PI4K2A: variants seen among roughly 807,000 people sequenced by gnomAD.
PI4K2A encodes phosphatidylinositol 4-kinase type 2 alpha, also known as phosphatidylinositol 4-kinase type 2-alpha.
A neutral mutation model predicts 55.0 loss-of-function variants in PI4K2A; 20 were observed. The observed-to-expected ratio is 0.36, with a 90% CI of 0.26 to 0.53. PI4K2A has a LOEUF of 0.53. Ranked by LOEUF, PI4K2A falls within the 20% of genes least tolerant of loss-of-function variation. The pLI, the probability that PI4K2A is intolerant of heterozygous loss-of-function variation, is 0.91. For synonymous variants in PI4K2A, 235 were observed against 258.5 expected (o/e 0.91, Z 0.87); for missense variants, 463 against 637.1 (o/e 0.73, Z 2.94).
exon 1 of PI4K2A, chr10:97,640,840 G>A: frequency 1.4e-6 from 2 of 1,403,306 alleles, no homozygotes; most frequent in Non-Finnish European, 1.9e-6. Context: ...CAGGTGCCCG[G>A]GGGCGCGGTC....
chr10:97,664,007 G>A (rs754095655), intron 5 of PI4K2A, among the ~76,000 whole-genome samples: 1 of 152,024 alleles, frequency 6.6e-6, no homozygotes, highest in Non-Finnish European at 1.5e-5. Context: ...TAGAGATGAG[G>A]TCTTGCTATG....
chr10:97,654,835 T>C (rs965417307), intron 2 of PI4K2A, among the ~76,000 whole-genome samples: 2 of 152,064 alleles, frequency 1.3e-5, no homozygotes, highest in Admixed American at 1.3e-4. Flanking sequence ...TGATGGCTCA[T>C]AAAAATTTTT....
chr10:97,662,602 C>A (rs939899012), intron 4 of PI4K2A, among the ~76,000 whole-genome samples: 9 of 152,172 alleles, frequency 5.9e-5, no homozygotes, highest in African/African-American at 2.2e-4. Flanking sequence ...TATAATTGTT[C>A]TACCTCTCAA....
intron 8 of PI4K2A, among the ~76,000 whole-genome samples, chr10:97,669,821 G>C (rs1050441843): frequency 1.3e-5 from 2 of 151,618 alleles, no homozygotes; most frequent in African/African-American, 2.4e-5. Flanking sequence ...ACAGTCAGGT[G>C]ATAGAAGTTG....
exon 7 of PI4K2A, chr10:97,666,562 A>G: frequency 6.2e-7 from 1 of 1,612,984 alleles, no homozygotes; most frequent in Non-Finnish European, 8.5e-7. Context: ...ACCTATATGA[A>G]CTCTTCAAGG....
At chr10:97,659,729 G>C (rs980525632) in intron 4 of PI4K2A, among the ~76,000 whole-genome samples, 1 of 151,968 alleles carries the variant, frequency 6.6e-6, no homozygotes, top group African/African-American at 2.4e-5. Context: ...GTGGGGGATG[G>C]GTAGCTGCTT....
chr10:97,659,341 G>C (rs2041569850), intron 4 of PI4K2A, among the ~76,000 whole-genome samples: 1 of 151,764 alleles, frequency 6.6e-6, no homozygotes. Context: ...GCTTGCAACT[G>C]ATTTTTTTGT....
intron 1 of PI4K2A, among the ~76,000 whole-genome samples, chr10:97,646,749 G>A (rs541564072): frequency 6.6e-6 from 1 of 152,134 alleles, no homozygotes; most frequent in Non-Finnish European, 1.5e-5. Flanking sequence ...TAGGAACCCC[G>A]CTGGGTTCCA....
chr10:97,643,754 T>A lies in PI4K2A; in HGVS notation c.435+2577T>A, dbSNP rs141571508. The stretch of plus-strand genomic sequence containing the variant: ...AGACTGGCCCACAGACTTACTGTAG[T>A]TGGAATTGTCATCTTTGGCTCTCCT... On this transcript the variant is annotated intron_variant, in intron 1 of 8. Coordinates refer to ENST00000370631, the Ensembl canonical transcript of PI4K2A. Among the ~76,000 whole-genome samples the A allele has an allele frequency of 2.1e-3, 313 of 152,340 alleles. 2 individuals are homozygous for A. The highest frequency in any genetic ancestry group is 0.018 in the Admixed American group (278 of 15,292).
At position 97,671,897 on chromosome 10, in the gene PI4K2A, G is replaced by GCC. The variant is rs549790911; in HGVS notation, c.1279-1682_1279-1681dup. 1.8e-4 allele frequency among the ~76,000 whole-genome samples: 28 copies of GCC among 152,098 alleles called. No individual in the cohort carries two copies. The East Asian group carries it at 5.2e-3, about 28-fold the overall frequency. On this transcript the variant is annotated intron_variant, in intron 8 of 8. Transcript: ENST00000370631. ...TCAAACTCCTGACCTCAGGTGACCCGCCCACTTCGGCCTCCCAAAGTGCTA... is the reference window on the plus strand; with the variant it reads ...TCAAACTCCTGACCTCAGGTGACCCGCCCCCACTTCGGCCTCCCAAAGTGCTA...
intron 4 of PI4K2A, among the ~76,000 whole-genome samples, chr10:97,657,599 C>T (rs2041561622): frequency 1.3e-5 from 2 of 149,432 alleles, no homozygotes; most frequent in South Asian, 2.1e-4. Flanking sequence ...ACCTGGGAGG[C>T]GGAGGTTGCA....
At chr10:97,667,243 T>G (rs1251346534) in intron 8 of PI4K2A, 123 bp downstream of exon 8, 1 of 672,736 alleles carries the variant, frequency 1.5e-6, no homozygotes, top group Admixed American at 2.5e-5. Context: ...CGAGTCTCAC[T>G]CTGTCACCCA....
chr10:97,649,903 C>T (rs2041522675), intron 1 of PI4K2A, among the ~76,000 whole-genome samples: 1 of 152,092 alleles, frequency 6.6e-6, no homozygotes, highest in East Asian at 1.9e-4. Flanking sequence ...GGATTACAAG[C>T]GTAAGCCACC....
intron 1 of PI4K2A, among the ~76,000 whole-genome samples, chr10:97,646,088 T>TC (rs1384403683): frequency 3.3e-5 from 5 of 152,160 alleles, no homozygotes; most frequent in Non-Finnish European, 7.3e-5. Context: ...TTTTTCATTC[T>TC]CATTTACTTA....
intron 8 of PI4K2A, among the ~76,000 whole-genome samples, chr10:97,667,611 C>T (rs2041616071): frequency 6.6e-6 from 1 of 152,194 alleles, no homozygotes; most frequent in South Asian, 2.1e-4. Context: ...CACCTCTTCC[C>T]TGGTATCCAG....
chr10:97,665,016 TC>T (rs1228176232), intron 6 of PI4K2A, 32 bp downstream of exon 6: 1 of 1,318,820 alleles, frequency 7.6e-7, no homozygotes, highest in Non-Finnish European at 1.1e-6. Flanking sequence ...GTCTGGCTCT[TC>T]CCTTGCTCAG....
At chr10:97,645,809 C>G (rs1196794680) in intron 1 of PI4K2A, among the ~76,000 whole-genome samples, 1 of 151,790 alleles carries the variant, frequency 6.6e-6, no homozygotes, top group African/African-American at 2.4e-5. Context: ...GCCTTGGCCT[C>G]CCAGTGTTGG....
intron 8 of PI4K2A, among the ~76,000 whole-genome samples, chr10:97,672,722 G>GTTTTTTTTTTTTT (rs201709914): frequency 2.1e-5 from 2 of 94,784 alleles, no homozygotes; most frequent in Non-Finnish European, 4.0e-5. Flanking sequence ...CAGAGGGTCT[G>GTTTTTTTTTTTTT]TTCTTTTTTT....
intron 6 of PI4K2A, 115 bp downstream of exon 6, chr10:97,665,099 A>G (rs2041603649): frequency 3.0e-6 from 2 of 656,982 alleles, no homozygotes; most frequent in African/African-American, 3.7e-5. Context: ...TAATGAAATA[A>G]TGGAGTTCAG....
Sources: allele counts gnomAD v4.1 joint callset (sites outside exome capture counted in the v4.1 genomes callset), GRCh38; gene constraint gnomAD v4.1.1; transcripts MANE v1.5; gene names NCBI Gene and HGNC (gene_info 2026-07-23, HGNC 2026-07-21).